Variants in MGLL observed in about 807,000 individuals in gnomAD.
MGLL encodes monoglyceride lipase.
Under a neutral mutation model 29.1 loss-of-function variants are expected in MGLL, and 7 were observed. That is an observed-to-expected ratio of 0.24 (90% confidence interval 0.14 to 0.45). The LOEUF is 0.45. Among genes scored for constraint, MGLL ranks in the 20% least tolerant of loss-of-function variants. MGLL has a pLI of 0.99. For missense variants in MGLL, 356 were observed against 413.6 expected (o/e 0.86, Z 1.21); for synonymous variants, 148 against 168.3 (o/e 0.88, Z 0.93).
intron 3 of MGLL, among the ~76,000 whole-genome samples, chr3:127,742,551 C>CTGCA (rs1224270209): frequency 1.5e-5 from 2 of 132,062 alleles, no homozygotes; most frequent in African/African-American, 6.0e-5. Flanking sequence ...GATGGCCTCA[C>CTGCA]TGCACTCCAG....
At chr3:127,700,576 G>A (rs1383890204) in intron 6 of MGLL, among the ~76,000 whole-genome samples, 1 of 152,214 alleles carries the variant, frequency 6.6e-6, no homozygotes, top group Non-Finnish European at 1.5e-5. Context: ...CTGCACGGTG[G>A]CTGGCACAGG....
At chr3:127,754,079 G>A (rs1278139718) in intron 3 of MGLL, among the ~76,000 whole-genome samples, 4 of 152,206 alleles carry the variant, frequency 2.6e-5, no homozygotes, top group Non-Finnish European at 5.9e-5. Context: ...TTGGGTGGTG[G>A]CCCGCTGGGG....
intron 3 of MGLL, among the ~76,000 whole-genome samples, chr3:127,727,817 T>C (rs1282297311): frequency 6.6e-6 from 1 of 152,112 alleles, no homozygotes; most frequent in Non-Finnish European, 1.5e-5. Context: ...AAAATCTTGG[T>C]TCCTAATAGC....
At chr3:127,799,808 C>T (rs1205743403) in intron 2 of MGLL, among the ~76,000 whole-genome samples, 1 of 152,216 alleles carries the variant, frequency 6.6e-6, no homozygotes, top group African/African-American at 2.4e-5. Flanking sequence ...ATCATGAATG[C>T]ATTTAACACT....
chr3:127,784,833 G>C (rs1367657629), intron 2 of MGLL, among the ~76,000 whole-genome samples: 1 of 152,166 alleles, frequency 6.6e-6, no homozygotes, highest in African/African-American at 2.4e-5. Context: ...ACCTTAGGGT[G>C]TTTGGTAAAT....
In MGLL at chr3:127,764,761, T is replaced by C. The variant is rs749436274; in HGVS notation, c.262+17028A>G. ...AGCCACACTAGTTAGCATGAAACTGTGACTGGAGTCAAATCAGGTTTTCCT... is the reference window on the plus strand; with the variant it reads ...AGCCACACTAGTTAGCATGAAACTGCGACTGGAGTCAAATCAGGTTTTCCT... On this transcript the variant is annotated intron_variant, in intron 3 of 7. Coordinates refer to ENST00000265052, the MANE Select transcript of MGLL (RefSeq NM_007283.7). Among the ~76,000 whole-genome samples, 65 of 152,218 alleles carry C rather than the reference T, an allele frequency of 4.3e-4. 3 individuals carry two copies. The highest frequency in any genetic ancestry group is 1.2e-3 in the Admixed American group (19 of 15,284).
intron 3 of MGLL, among the ~76,000 whole-genome samples, chr3:127,751,992 A>C (rs1272437831): frequency 6.6e-6 from 1 of 152,236 alleles, no homozygotes; most frequent in African/African-American, 2.4e-5. Context: ...TTAAAGTAAC[A>C]AAATACATGT....
At chr3:127,778,297 T>C (rs2077068551) in intron 3 of MGLL, among the ~76,000 whole-genome samples, 1 of 152,346 alleles carries the variant, frequency 6.6e-6, no homozygotes, top group South Asian at 2.1e-4. Context: ...TGTGCAGGCC[T>C]GAGGGGTGAC....
At position 127,787,862 on chromosome 3, in the gene MGLL, G is replaced by A. The variant is rs545684423; in HGVS notation, c.156-5967C>T. ...CCGGCACGTCTGCCGTCCGGGCTGC[G>A]TGTGGGCTTGTGAGAGTGCGTTGGA... On this transcript the variant is annotated intron_variant, in intron 2 of 7. Transcript: ENST00000265052. Among the ~76,000 whole-genome samples the A allele has an allele frequency of 4.6e-5, 7 of 152,360 alleles. 1 individual carries two copies. The South Asian group carries it at 1.0e-3, about 23-fold the overall frequency.
At chr3:127,759,264 G>C (rs918280649) in intron 3 of MGLL, among the ~76,000 whole-genome samples, 1 of 151,796 alleles carries the variant, frequency 6.6e-6, no homozygotes, top group African/African-American at 2.4e-5. Context: ...TTATAAACCA[G>C]CTCTCCTATT....
chr3:127,694,284 AAAATAT>A (rs2075305895), intron 7 of MGLL, among the ~76,000 whole-genome samples: 1 of 106,046 alleles, frequency 9.4e-6, no homozygotes, highest in African/African-American at 3.3e-5. Context: ...AAAAAAAAAA[AAAATAT>A]ATATATATAT....
intron 3 of MGLL, among the ~76,000 whole-genome samples, chr3:127,766,366 G>A (rs533297054): frequency 2.0e-5 from 3 of 152,268 alleles, no homozygotes; most frequent in South Asian, 4.1e-4. Context: ...TGCAAATATT[G>A]TATACATTTC....
In MGLL at chr3:127,737,630, C is replaced by CTTTTTTTTTTTTTTTTT. The variant is rs774965066; in HGVS notation, c.263-15081_263-15065dup. On this transcript the variant is annotated intron_variant, in intron 3 of 7. Coordinates refer to ENST00000265052, the MANE Select transcript of MGLL (RefSeq NM_007283.7). ...GACACAGTGAAATCATCAACTGCTTCTTTTTTTTTTTTTTTTTTTTTTTTT... is the reference window on the plus strand; with the variant it reads ...GACACAGTGAAATCATCAACTGCTTCTTTTTTTTTTTTTTTTTTTTTTTTTTTTTTTTTTTTTTTTTT... Among the ~76,000 whole-genome samples the CTTTTTTTTTTTTTTTTT allele has an allele frequency of 1.5e-3, 102 of 68,610 alleles. 15 individuals are homozygous for CTTTTTTTTTTTTTTTTT. The highest frequency in any genetic ancestry group is 6.6e-3 in the East Asian group (12 of 1,818). 45.0% of individuals were successfully genotyped at this position (68,610 alleles called of 152,430 possible).
chr3:127,822,706 G>T (rs1001905689), upstream of MGLL: 45 of 258,266 alleles, frequency 1.7e-4, no homozygotes, highest in African/African-American at 6.6e-4. Flanking sequence ...AGGCAAAGTC[G>T]CCCCCAAGGC....
At chr3:127,722,371 C>T (rs78261091) in intron 4 of MGLL, 59 bp downstream of exon 4, 6 of 1,611,258 alleles carry the variant, frequency 3.7e-6, no homozygotes, top group Non-Finnish European at 2.5e-6. Context: ...CCACCCCCTT[C>T]CCCCTGCAAG....
At chr3:127,692,422 G>A (rs560431698) in intron 7 of MGLL, 99 bp from the exon 8 acceptor site, 67 of 1,485,908 alleles carry the variant, frequency 4.5e-5, no homozygotes, top group Admixed American at 8.6e-5. Context: ...AGCATTCTCC[G>A]GACCCTCTCC....
chr3:127,738,618 G>T (rs1442385016), intron 3 of MGLL, among the ~76,000 whole-genome samples: 2 of 152,332 alleles, frequency 1.3e-5, no homozygotes, highest in Non-Finnish European at 2.9e-5. Flanking sequence ...CCTGCAGAGA[G>T]GTTAGAAAGG....
chr3:127,692,182 G>T lies in MGLL; in HGVS notation c.*16C>A. 1.2e-6 allele frequency: 2 copies of T among 1,609,154 alleles called. No individual in the cohort carries two copies. Among genetic ancestry groups the T allele is most frequent in the Non-Finnish European group, 8.5e-7 (1 of 1,178,692 alleles). ...CTGCATCCCCCAGACCATGAGCCGG[G>T]CACCGGCCAATGCATTCAGGGTGGG... On this transcript the variant is annotated 3_prime_UTR_variant, in exon 8 of 8. Coordinates refer to ENST00000265052, the MANE Select transcript of MGLL (RefSeq NM_007283.7).
At chr3:127,746,299 C>G (rs946525586) in intron 3 of MGLL, among the ~76,000 whole-genome samples, 1 of 152,266 alleles carries the variant, frequency 6.6e-6, no homozygotes, top group South Asian at 2.1e-4. Flanking sequence ...ACATTTCTGG[C>G]TGCCTTCAAG....
Sources: allele counts gnomAD v4.1 joint callset (sites outside exome capture counted in the v4.1 genomes callset), GRCh38; gene constraint gnomAD v4.1.1; transcripts MANE v1.5; gene names NCBI Gene and HGNC (gene_info 2026-07-23, HGNC 2026-07-21).